The following FAM53B variants were observed in gnomAD, a reference collection of about 807,000 sequenced individuals.
FAM53B encodes family with sequence similarity 53 member B.
FAM53B carries 12 observed loss-of-function variants against 32.7 expected under a neutral mutation model. The ratio of observed to expected loss-of-function variants is 0.37; its 90% CI spans 0.24 to 0.59. FAM53B has a LOEUF of 0.59. FAM53B is among the 20% of genes least tolerant of loss of function. FAM53B has a pLI of 0.72. For synonymous variants in FAM53B, 234 were observed against 228.7 expected (o/e 1.02, Z -0.21); for missense variants, 477 against 577.7 (o/e 0.83, Z 1.79).
Position 124,681,934 on chromosome 10 carries a change from C to G in FAM53B, c.579G>C (p.Gln193His), listed in dbSNP as rs1949775600. The change falls in exon 4 of 5, where the codon CAG becomes CAC. Residue 193 changes from glutamine to histidine, a missense_variant. Gln to His is a conservative substitution (Grantham distance 24). Coordinates refer to ENST00000337318, the MANE Select transcript of FAM53B (RefSeq NM_014661.4). ...QAGLHHRFGG[Q>H]PCQGVPGSAP... The stretch of plus-strand genomic sequence containing the variant: ...CTGAGCCTGGCACCCCTTGGCAGGG[C>G]TGCCCTCCAAATCGGTGGTGGAGTC... 6.2e-7 allele frequency: 1 copy of G among 1,613,904 alleles called. No individual in the cohort carries two copies. Among genetic ancestry groups the G allele is most frequent in the Admixed American group, 1.7e-5 (1 of 60,018 alleles).
chr10:124,731,671 G>A (rs1326828129), intron 1 of FAM53B, among the ~76,000 whole-genome samples: 3 of 151,682 alleles, frequency 2.0e-5, no homozygotes, highest in Non-Finnish European at 2.9e-5. Flanking sequence ...TACTGGTGGG[G>A]TTCCACTTCA....
intron 1 of FAM53B, among the ~76,000 whole-genome samples, chr10:124,715,761 G>C (rs1950035198): frequency 6.6e-6 from 1 of 152,198 alleles, no homozygotes; most frequent in South Asian, 2.1e-4. Flanking sequence ...CTGCAACTTT[G>C]CTCAGCTTTC....
chr10:124,643,484 T>C (rs1318215051), intron 4 of FAM53B, among the ~76,000 whole-genome samples: 1 of 152,236 alleles, frequency 6.6e-6, no homozygotes, highest in Non-Finnish European at 1.5e-5. Context: ...AGTCTGAAGC[T>C]GTGAAAGCCT....
At chr10:124,711,229 T>C (rs1218638466) in intron 1 of FAM53B, among the ~76,000 whole-genome samples, 3 of 152,194 alleles carry the variant, frequency 2.0e-5, no homozygotes. Context: ...GGCTCACTAT[T>C]CTAGGAGTCC....
At chr10:124,739,899 C>T (rs1950191136) in intron 1 of FAM53B, among the ~76,000 whole-genome samples, 1 of 151,958 alleles carries the variant, frequency 6.6e-6, no homozygotes, top group South Asian at 2.1e-4. Context: ...CCTAAGGCTG[C>T]TTTCAGATCC....
At chr10:124,743,491 G>A (rs1178086029) in intron 1 of FAM53B, among the ~76,000 whole-genome samples, 3 of 152,162 alleles carry the variant, frequency 2.0e-5, no homozygotes, top group African/African-American at 4.8e-5. Flanking sequence ...CAGCAGCGGA[G>A]CCCGCCGCCT....
intron 4 of FAM53B, among the ~76,000 whole-genome samples, chr10:124,666,332 A>G (rs932611189): frequency 1.4e-4 from 21 of 152,216 alleles, no homozygotes; most frequent in Admixed American, 7.9e-4. Context: ...CATTCCTTCT[A>G]TTCTGGGGCC....
chr10:124,731,786 A>G (rs1950145043), intron 1 of FAM53B, among the ~76,000 whole-genome samples: 1 of 152,044 alleles, frequency 6.6e-6, no homozygotes, highest in Non-Finnish European at 1.5e-5. Flanking sequence ...CCTTCCCCGC[A>G]TCACCTCCAA....
Position 124,722,768 on chromosome 10 carries a change from A to T in FAM53B, c.-174-15881T>A, listed in dbSNP as rs1950077241. Among the ~76,000 whole-genome samples, 5 of 152,356 alleles carry T rather than the reference A, an allele frequency of 3.3e-5. No homozygotes were observed. The South Asian group carries it at 8.3e-4, about 25-fold the overall frequency. ...ATGGAATATCTCTGGGAGGACAAAC[A>T]AGAAAATGACAACAGGAGCTCCCCC... On this transcript the variant is annotated intron_variant, in intron 1 of 4. Transcript: ENST00000337318.
At chr10:124,644,966 C>A (rs558124759) in intron 4 of FAM53B, among the ~76,000 whole-genome samples, 4 of 152,228 alleles carry the variant, frequency 2.6e-5, no homozygotes, top group African/African-American at 7.2e-5. Flanking sequence ...TGCTCTCCCC[C>A]TGAATGCCAG....
chr10:124,659,932 G>A (rs868712146), intron 4 of FAM53B, among the ~76,000 whole-genome samples: 1 of 152,192 alleles, frequency 6.6e-6, no homozygotes, highest in African/African-American at 2.4e-5. Flanking sequence ...TCAGCCTCCC[G>A]AGTAGCTGGG....
intron 4 of FAM53B, among the ~76,000 whole-genome samples, chr10:124,645,070 T>A (rs1172950742): frequency 6.6e-6 from 1 of 152,108 alleles, no homozygotes; most frequent in Non-Finnish European, 1.5e-5. Context: ...CGCAGCAAAG[T>A]CATGACCAGG....
At chr10:124,653,873 T>C (rs1949570426) in intron 4 of FAM53B, among the ~76,000 whole-genome samples, 1 of 152,214 alleles carries the variant, frequency 6.6e-6, no homozygotes, top group Non-Finnish European at 1.5e-5. Context: ...GCCAGCTGGA[T>C]TCTCCAGCTT....
At chr10:124,627,961 C>A (rs956003648) in intron 4 of FAM53B, among the ~76,000 whole-genome samples, 11 of 152,220 alleles carry the variant, frequency 7.2e-5, no homozygotes, top group African/African-American at 2.4e-4. Flanking sequence ...AGCTGAAATA[C>A]AGACCTGCCT....
At chr10:124,704,254 A>G (rs1490426553) in intron 2 of FAM53B, 1 of 152,348 alleles carries the variant, frequency 6.6e-6, no homozygotes, top group Non-Finnish European at 1.5e-5. Context: ...GCCAGGTGAC[A>G]GGAACCTGCA....
chr10:124,712,391 A>G (rs758981178), intron 1 of FAM53B, among the ~76,000 whole-genome samples: 16 of 152,270 alleles, frequency 1.1e-4, no homozygotes, highest in Non-Finnish European at 2.1e-4. Context: ...ATTAAACACA[A>G]TGAGGATAAT....
intron 1 of FAM53B, among the ~76,000 whole-genome samples, chr10:124,719,496 C>A (rs750425871): frequency 2.0e-5 from 3 of 152,196 alleles, no homozygotes; most frequent in Admixed American, 6.5e-5. Context: ...GTTAACCCAA[C>A]TTCCAAAAAT....
chr10:124,732,974 G>A (rs1368265078), intron 1 of FAM53B, among the ~76,000 whole-genome samples: 1 of 152,122 alleles, frequency 6.6e-6, no homozygotes, highest in Non-Finnish European at 1.5e-5. Flanking sequence ...CCAGTTTGCT[G>A]CTCAACTTTT....
chr10:124,722,736 C>T (rs938432331), intron 1 of FAM53B, among the ~76,000 whole-genome samples: 2 of 152,154 alleles, frequency 1.3e-5, no homozygotes, highest in African/African-American at 4.8e-5. Flanking sequence ...TATTCTTGCA[C>T]ATGCATATGG....
Sources: allele counts gnomAD v4.1 joint callset (sites outside exome capture counted in the v4.1 genomes callset), GRCh38; gene constraint gnomAD v4.1.1; transcripts MANE v1.5; gene names NCBI Gene and HGNC (gene_info 2026-07-23, HGNC 2026-07-21).